FGD6: variants seen among roughly 807,000 people sequenced by gnomAD.
FGD6 encodes the protein FYVE, RhoGEF and PH domain-containing protein 6.
Under a neutral mutation model 149.4 loss-of-function variants are expected in FGD6, and 90 were observed. That is an observed-to-expected ratio of 0.60 (90% CI 0.51 to 0.72). FGD6 has a LOEUF of 0.72. Ranked by LOEUF, FGD6 falls within the 30% of genes least tolerant of loss-of-function variation. FGD6 has a pLI of 0.00. For synonymous variants in FGD6, 527 were observed against 584.0 expected (o/e 0.90, Z 1.41); for missense variants, 1,437 against 1,684.8 (o/e 0.85, Z 2.57).
At chr12:95,102,850 C>T (rs1218171222) in intron 14 of FGD6, among the ~76,000 whole-genome samples, 2 of 152,158 alleles carry the variant, frequency 1.3e-5, no homozygotes, top group Non-Finnish European at 2.9e-5. Context: ...ACTCGTGTAA[C>T]CTTAGATGTG....
chr12:95,157,698 T>C (rs1029263296), intron 3 of FGD6, among the ~76,000 whole-genome samples: 1 of 152,172 alleles, frequency 6.6e-6, no homozygotes. Context: ...GAGCCTAGGA[T>C]ACTTTTTTCA....
rs1161467524 is a variant in FGD6, at chr12:95,208,829, C to A, written c.2441+14G>T. 6 of 1,604,316 alleles carry A rather than the reference C, an allele frequency of 3.7e-6. No homozygotes were observed. The highest frequency in any genetic ancestry group is 1.3e-5 in the African/African-American group (1 of 74,680). ...CAATGATGCATGCAAAAGTGTCTGTCTGGCACCTGTTACCTGGAATGCTGA... is the reference window on the plus strand; with the variant it reads ...CAATGATGCATGCAAAAGTGTCTGTATGGCACCTGTTACCTGGAATGCTGA... On this transcript the variant is annotated intron_variant, in intron 2 of 20. Transcript: ENST00000343958.
chr12:95,170,591 G>A (rs751578105), intron 3 of FGD6, among the ~76,000 whole-genome samples: 4 of 152,156 alleles, frequency 2.6e-5, no homozygotes, highest in East Asian at 1.9e-4. Flanking sequence ...GCAGTGAGCC[G>A]AGATCGCGCC....
At chr12:95,107,925 G>A (rs143856999) in intron 11 of FGD6, among the ~76,000 whole-genome samples, 1 of 152,056 alleles carries the variant, frequency 6.6e-6, no homozygotes, top group Non-Finnish European at 1.5e-5. Context: ...CCTGACAACC[G>A]CATTTTGTAA....
intron 7 of FGD6, among the ~76,000 whole-genome samples, chr12:95,136,352 C>T (rs1023850751): frequency 8.6e-5 from 13 of 152,044 alleles, no homozygotes; most frequent in Non-Finnish European, 1.8e-4. Flanking sequence ...AGCTAGACTC[C>T]ATCTCAAAAA....
chr12:95,209,559 G>A lies in FGD6; in HGVS notation c.1725C>T (p.Pro575=). ...TTAAGAATTCTGGGTTCCCTGAAAA[G>A]GGTAAAATAGGATGAGGTAACTTCC... ...PVWKLPHPIL[P]FSGNPEFLKS... Residue 575 remains proline, a synonymous_variant, in exon 2 of 21, where the codon CCC becomes CCT. Transcript: ENST00000343958. The A allele has an allele frequency of 6.2e-7, 1 of 1,614,108 alleles. No individual in the cohort carries two copies. Among genetic ancestry groups the A allele is most frequent in the Non-Finnish European group, 8.5e-7 (1 of 1,180,006 alleles).
intron 2 of FGD6, among the ~76,000 whole-genome samples, chr12:95,194,115 G>C (rs1469270846): frequency 6.6e-6 from 1 of 151,844 alleles, no homozygotes; most frequent in African/African-American, 2.4e-5. Context: ...TGTAGAGATG[G>C]AGTCTCGCCA....
At chr12:95,085,702 G>A in intron 19 of FGD6, 78 bp downstream of exon 19, 1 of 1,446,594 alleles carries the variant, frequency 6.9e-7, no homozygotes, top group Non-Finnish European at 9.2e-7. Context: ...AAAATAAATG[G>A]ATTTTTAAAA....
intron 2 of FGD6, among the ~76,000 whole-genome samples, chr12:95,184,556 A>G (rs552068736): frequency 2.3e-4 from 35 of 149,732 alleles, no homozygotes; most frequent in Middle Eastern, 3.4e-3. Flanking sequence ...GGGTGTCAGG[A>G]AAAGACATGG....
At chr12:95,166,790 T>C (rs762377816) in intron 3 of FGD6, among the ~76,000 whole-genome samples, 24 of 152,000 alleles carry the variant, frequency 1.6e-4, no homozygotes, top group Non-Finnish European at 3.1e-4. Flanking sequence ...TAGTATTCCA[T>C]TGTAGGAATA....
chr12:95,209,907 G>A lies in FGD6; in HGVS notation c.1377C>T (p.Leu459=), dbSNP rs1420312102. The A allele has an allele frequency of 1.9e-6, 3 of 1,613,240 alleles. No homozygotes were observed. Among genetic ancestry groups the A allele is most frequent in the Non-Finnish European group, 1.7e-6 (2 of 1,179,896 alleles). The change falls in exon 2 of 21, where the codon CTC becomes CTT. Residue 459 remains leucine (L), a synonymous_variant. Transcript: ENST00000343958. ...GCAAATGTTCATTGCAAGTTAATTTGAGCTGCTTAGGCAGGCTCATAGATA... is the reference window on the plus strand; with the variant it reads ...GCAAATGTTCATTGCAAGTTAATTTAAGCTGCTTAGGCAGGCTCATAGATA... ...CTVSMSLPKQ[L]KLTCNEHLQS... is the part of the protein sequence containing the mutation.
intron 8 of FGD6, among the ~76,000 whole-genome samples, chr12:95,129,735 C>G (rs1022981080): frequency 6.6e-6 from 1 of 152,106 alleles, no homozygotes; most frequent in African/African-American, 2.4e-5. Context: ...TGCAGTGGTA[C>G]GATCTCAGCT....
chr12:95,153,099 T>C (rs1414725778), intron 3 of FGD6, 106 bp from the exon 4 acceptor site: 1 of 897,146 alleles, frequency 1.1e-6, no homozygotes, highest in African/African-American at 1.6e-5. Context: ...AGTTTCCTCC[T>C]AGCACACAGT....
intron 8 of FGD6, among the ~76,000 whole-genome samples, chr12:95,123,084 C>A (rs2136249786): frequency 6.6e-6 from 1 of 151,598 alleles, no homozygotes; most frequent in African/African-American, 2.4e-5. Flanking sequence ...TCTGGGCTCT[C>A]AGGTTGCCTT....
intron 2 of FGD6, among the ~76,000 whole-genome samples, chr12:95,176,859 C>A (rs1193702289): frequency 6.6e-6 from 1 of 152,122 alleles, no homozygotes; most frequent in African/African-American, 2.4e-5. Flanking sequence ...GATGGAGTCT[C>A]ACTCTGTCAC....
chr12:95,209,679 A>G lies in FGD6; in HGVS notation c.1605T>C (p.Ser535=), dbSNP rs748982798. The change falls in exon 2 of 21, where the codon AGT becomes AGC. Residue 535 remains serine, a synonymous_variant. Coordinates refer to ENST00000343958, the MANE Select transcript of FGD6 (RefSeq NM_018351.4). The part of the protein sequence containing the change: ...PSSEEKSSEK[S]LERNHLQHLC... ...AATGCTGAAGGTGATTTCTTTCTAG[A>G]CTCTTCTCTGAACTTTTTTCTTCAC... The G allele has an allele frequency of 6.2e-7, 1 of 1,613,026 alleles. No homozygotes were observed.
Position 95,162,875 on chromosome 12 carries a change from G to A in FGD6, c.2586+9725C>T, listed in dbSNP as rs536063434. ...GAGTCAAGTCCTATCAATGTGTCCC[G>A]AAGATTTAAAGCTTAAATGATCCTT... On this transcript the variant is annotated intron_variant, in intron 3 of 20. Coordinates refer to ENST00000343958, the MANE Select transcript of FGD6 (RefSeq NM_018351.4). Among the ~76,000 whole-genome samples the A allele has an allele frequency of 2.8e-4, 42 of 152,206 alleles. No individual in the cohort carries two copies. In the South Asian group the frequency reaches 4.2e-3, roughly 15 times the overall value.
At chr12:95,117,487 T>C (rs1413491992) in intron 8 of FGD6, among the ~76,000 whole-genome samples, 2 of 152,024 alleles carry the variant, frequency 1.3e-5, no homozygotes, top group Non-Finnish European at 2.9e-5. Context: ...TGCAGTGGTG[T>C]GACCAATGCT....
intron 18 of FGD6, among the ~76,000 whole-genome samples, chr12:95,087,055 C>T (rs1028959777): frequency 1.4e-4 from 21 of 151,880 alleles, no homozygotes; most frequent in African/African-American, 5.1e-4. Context: ...GCCATGTTGG[C>T]CAGGTTGGTG....
Sources: allele counts gnomAD v4.1 joint callset (sites outside exome capture counted in the v4.1 genomes callset), GRCh38; gene constraint gnomAD v4.1.1; transcripts MANE v1.5; gene names NCBI Gene and HGNC (gene_info 2026-07-23, HGNC 2026-07-21).